SP110: variants seen among roughly 807,000 people sequenced by gnomAD.
The protein encoded by SP110 is interferon-induced protein 41, 30kD.
In SP110, 62 loss-of-function variants were observed where a neutral mutation model predicts 92.7. The observed-to-expected ratio is 0.67, with a 90% CI of 0.55 to 0.83. SP110 has a LOEUF of 0.83. SP110 is among the 40% of genes least tolerant of loss of function. The pLI is 0.00. For synonymous variants in SP110, 273 were observed against 305.3 expected, an observed-to-expected ratio of 0.89 and a Z score of 1.10; for missense variants, 793 against 863.9, an observed-to-expected ratio of 0.92 and a Z score of 1.03.
At position 230,216,946 on chromosome 2, in the gene SP110, A is replaced by AT. The variant is rs755825739; in HGVS notation, c.-1-19dup. ...TGAACATCCTATGGAAAGAGGCATG[A>AT]TAAAAAATAGAAGCAAAGGCTGGGC... On this transcript the variant is annotated intron_variant, in intron 1 of 18. Coordinates refer to ENST00000258381, the MANE Select transcript of SP110 (RefSeq NM_080424.4). The AT allele has an allele frequency of 6.2e-7, 1 of 1,611,642 alleles. No individual in the cohort carries two copies. Among genetic ancestry groups the AT allele is most frequent in the South Asian group, 1.1e-5 (1 of 90,870 alleles).
At chr2:230,198,594 G>T (rs1340464778) in intron 10 of SP110, among the ~76,000 whole-genome samples, 2 of 148,844 alleles carry the variant, frequency 1.3e-5, no homozygotes, top group Non-Finnish European at 3.0e-5. Context: ...TAAAATGATA[G>T]AATTTTTTTT....
chr2:230,203,090 T>C (rs2043345535), intron 8 of SP110: 1 of 323,246 alleles, frequency 3.1e-6, no homozygotes, highest in African/African-American at 2.1e-5. Flanking sequence ...AAAGCACCTC[T>C]CCAGGTTCCC....
intron 8 of SP110, among the ~76,000 whole-genome samples, chr2:230,205,882 T>C (rs1004380048): frequency 6.6e-6 from 1 of 152,142 alleles, no homozygotes; most frequent in South Asian, 2.1e-4. Flanking sequence ...TGAGAGTGAT[T>C]GACAAAGCTC....
chr2:230,212,244 T>C (rs774184698), intron 5 of SP110, 103 bp downstream of exon 5: 6 of 854,436 alleles, frequency 7.0e-6, no homozygotes, highest in Non-Finnish European at 1.2e-5. Flanking sequence ...TATTGCTCAG[T>C]TCTTTTTCCC....
At chr2:230,214,088 T>C (rs561188857) in intron 3 of SP110, 6 of 152,360 alleles carry the variant, frequency 3.9e-5, no homozygotes, top group African/African-American at 1.4e-4. Flanking sequence ...AGTGAACATG[T>C]GATTTGGCCA....
intron 8 of SP110, chr2:230,203,400 GAC>G (rs2043385896): frequency 6.4e-6 from 1 of 155,352 alleles, no homozygotes; most frequent in East Asian, 1.9e-4. Flanking sequence ...GGTTAGAAAG[GAC>G]ACAGAGTGTG....
At chr2:230,221,196 G>T (rs1470187203), upstream of SP110, among the ~76,000 whole-genome samples, 2 of 151,198 alleles carry the variant, frequency 1.3e-5, no homozygotes, top group Non-Finnish European at 2.9e-5. Context: ...CAGGAGAATT[G>T]CTTGAACCCA....
intron 8 of SP110, among the ~76,000 whole-genome samples, chr2:230,207,160 T>C (rs2043957685): frequency 6.6e-6 from 1 of 152,154 alleles, no homozygotes; most frequent in African/African-American, 2.4e-5. Flanking sequence ...TTCTTTTCCT[T>C]TCAGGAGGAA....
intron 12 of SP110, 75 bp from the exon 13 acceptor site, chr2:230,178,330 A>T: frequency 1.2e-6 from 1 of 845,842 alleles, no homozygotes; most frequent in East Asian, 2.6e-5. Context: ...CCCTCCATGA[A>T]TTCCAATAAT....
At chr2:230,190,539 G>T (rs1291210877) in intron 10 of SP110, among the ~76,000 whole-genome samples, 4 of 152,066 alleles carry the variant, frequency 2.6e-5, no homozygotes, top group Non-Finnish European at 5.9e-5. Context: ...TTCTTTTGCT[G>T]TGCTGTAGCT....
At chr2:230,181,418 A>G (rs774581044) in intron 12 of SP110, among the ~76,000 whole-genome samples, 3 of 152,242 alleles carry the variant, frequency 2.0e-5, no homozygotes, top group Admixed American at 6.5e-5. Context: ...CTGTGCACAG[A>G]TCATTCATCA....
chr2:230,219,895 C>T lies in SP110; in HGVS notation c.-23G>A. 4 of 985,072 alleles carry T rather than the reference C, an allele frequency of 4.1e-6. No individual in the cohort carries two copies. Among genetic ancestry groups the T allele is most frequent in the Non-Finnish European group, 4.8e-6 (4 of 829,482 alleles). 61.0% of individuals were successfully genotyped at this position (985,072 alleles called of 1,614,324 possible). A position where few individuals can be genotyped will look rare whatever the true frequency, so the allele number is the denominator to read the frequency against. On this transcript the variant is annotated 5_prime_UTR_variant, in exon 1 of 19. Coordinates refer to ENST00000258381, the MANE Select transcript of SP110 (RefSeq NM_080424.4). ...TCACCTGGACTTTGAGTTTGTCGTT[C>T]CTGCCCCTTTCCAGGGGCTGGGACA... is the stretch of plus-strand genomic sequence containing the variant.
rs13026878 is a variant in SP110 at position 230,166,751 on chromosome 2, G to C, written c.*2373C>G. Among the ~76,000 whole-genome samples, 100,630 of 151,966 alleles carry C rather than the reference G, an allele frequency of 0.66. 33,748 individuals carry two copies. Among genetic ancestry groups the C allele is most frequent in the Middle Eastern group, 0.72 (212 of 294 alleles). The stretch of plus-strand genomic sequence containing the variant: ...AAGGGAGACACCAATACAGAACCGA[G>C]GAAGACAAGGAAGAAGCCTGTGGGG... On this transcript the variant is annotated 3_prime_UTR_variant, in exon 19 of 19. Coordinates refer to ENST00000258381, the MANE Select transcript of SP110 (RefSeq NM_080424.4).
At position 230,168,108 on chromosome 2, in the gene SP110, C is replaced by CAAAAAAAAAAAAAAAAAAAAAAAA. The variant is rs57421361; in HGVS notation, c.*992_*1015dup. 1.6e-5 allele frequency: 1 copy of CAAAAAAAAAAAAAAAAAAAAAAAA among 62,460 alleles called. No individual in the cohort carries two copies. 3.9% of individuals were successfully genotyped at this position (62,460 alleles called of 1,614,324 possible). ...TGGGTGACAGAGTGAGACTCTGTCT[C>CAAAAAAAAAAAAAAAAAAAAAAAA]AAAAAAAAAAAAAAAAAAAAAAAAA... On this transcript the variant is annotated 3_prime_UTR_variant, in exon 19 of 19. Transcript: ENST00000258381.
rs200267588 is a variant in SP110, at chr2:230,172,825, G to A, written c.1706+19C>T. ...GAGGTGAGTGCTGTGTGCCCGAGGC[G>A]GGGCTGCATCCCACTCACCTCTTGG... On this transcript the variant is annotated intron_variant, in intron 15 of 18. Coordinates refer to ENST00000258381, the MANE Select transcript of SP110 (RefSeq NM_080424.4). 6.9e-5 allele frequency: 104 copies of A among 1,517,876 alleles called. No individual in the cohort carries two copies. The highest frequency in any genetic ancestry group is 6.0e-4 in the Admixed American group (36 of 59,878). 94.0% of individuals were successfully genotyped at this position (1,517,876 alleles called of 1,614,324 possible).
At chr2:230,199,429 G>A (rs1426833469) in intron 10 of SP110, among the ~76,000 whole-genome samples, 6 of 151,384 alleles carry the variant, frequency 4.0e-5, no homozygotes, top group Admixed American at 6.6e-5. Context: ...GGCTGGTCTC[G>A]AACTCCTGGC....
chr2:230,212,192 T>G (rs2044563222), intron 5 of SP110, among the ~76,000 whole-genome samples, 155 bp downstream of exon 5: 1 of 152,208 alleles, frequency 6.6e-6, no homozygotes, highest in South Asian at 2.1e-4. Flanking sequence ...TGTTTTGCAT[T>G]GCTGCGTTGG....
intron 8 of SP110, among the ~76,000 whole-genome samples, chr2:230,204,544 T>C (rs2043546489): frequency 6.6e-6 from 1 of 152,176 alleles, no homozygotes; most frequent in African/African-American, 2.4e-5. Flanking sequence ...AATGAATTCA[T>C]AAACTATCCT....
Position 230,212,895 on chromosome 2 carries a change from G to A in SP110, c.449C>T (p.Ser150Leu), listed in dbSNP as rs199753725. The change falls in exon 4 of 19, where the codon TCA (serine) becomes TTA (leucine). Residue 150 changes from serine to leucine, a missense_variant. Coordinates refer to ENST00000258381, the MANE Select transcript of SP110 (RefSeq NM_080424.4). ...CTCACTGACTCTTGGCGCACAGGGT[G>A]AACAGCTTGGTTGAGGGGGTTGTGG... ...PPPQPPQPSC[S>L]PCAPRVSEPG... 3 of 1,614,022 alleles carry A rather than the reference G, an allele frequency of 1.9e-6. No individual in the cohort carries two copies. Among genetic ancestry groups the A allele is most frequent in the Middle Eastern group, 1.6e-4 (1 of 6,084 alleles).
Sources: gnomAD v4.1 joint callset for allele counts (sites outside exome capture counted in the v4.1 genomes callset) on GRCh38, gnomAD v4.1.1 for gene constraint, MANE v1.5 for transcripts, NCBI Gene and HGNC (gene_info 2026-07-23, HGNC 2026-07-21) for gene names.